The following UTP20 variants were observed in gnomAD, a reference collection of about 807,000 sequenced individuals.
UTP20 encodes the protein UTP20 small subunit processome component, also known as small subunit processome component 20 homolog.
Under a neutral mutation model 329.5 loss-of-function variants are expected in UTP20, and 164 were observed. The observed-to-expected ratio is 0.50, with a 90% CI of 0.44 to 0.57. The LOEUF is 0.57. Among genes scored for constraint, UTP20 ranks in the 20% least tolerant of loss-of-function variants. The pLI, the probability that UTP20 is intolerant of heterozygous loss-of-function variation, is 0.00. For synonymous variants in UTP20, 1,151 were observed against 1,159.3 expected (o/e 0.99, Z 0.14); for missense variants, 3,055 against 3,284.2 (o/e 0.93, Z 1.71).
At chr12:101,326,838 C>A in intron 25 of UTP20, 1 of 283,168 alleles carries the variant, frequency 3.5e-6, no homozygotes, top group Non-Finnish European at 6.5e-6. Context: ...ATCCTCTGGC[C>A]TCAGCCCCTC....
rs143865437 is a variant in UTP20 at position 101,320,852 on chromosome 12, T to C, written c.2830T>C (p.Leu944=). The change falls in exon 24 of 62, where the codon TTG becomes CTG. Residue 944 remains leucine (L), a splice_region_variant and synonymous_variant. Coordinates refer to ENST00000261637, the MANE Select transcript of UTP20 (RefSeq NM_014503.3). ...TAATTCTGTAAAATACTGTTCTTAGTTGTTGCTACACCAAGATCAAATGGT... is the reference window on the plus strand; with the variant it reads ...TAATTCTGTAAAATACTGTTCTTAGCTGTTGCTACACCAAGATCAAATGGT... The part of the protein sequence containing the change: ...ESKLYELYLQ[L]LLHQDQMVQK... The C allele has an allele frequency of 1.0e-4, 168 of 1,609,568 alleles. No homozygotes were observed. In the African/African-American group the frequency reaches 1.8e-3, roughly 17 times the overall value.
At chr12:101,373,281 A>G in intron 52 of UTP20, 120 bp from the exon 53 acceptor site, 1 of 943,204 alleles carries the variant, frequency 1.1e-6, no homozygotes, top group South Asian at 1.6e-5. Flanking sequence ...TTAGGAAAAC[A>G]GAGCATTTTC....
Position 101,309,814 on chromosome 12 carries a change from T to C in UTP20, c.2206T>C (p.Trp736Arg). 1 of 1,613,664 alleles carries C rather than the reference T, an allele frequency of 6.2e-7. No individual in the cohort carries two copies. Among genetic ancestry groups the C allele is most frequent in the Non-Finnish European group, 8.5e-7 (1 of 1,179,936 alleles). ...GCTATATATTAATTTCAGTGCACTC[T>C]GGGATCCTGTTATTGAACTCATAAG... Reference protein sequence around the residue: ...GMLYINFSALWDPVIELISSH... With the variant: ...GMLYINFSALRDPVIELISSH... Residue 736 changes from tryptophan (W) to arginine (R), a missense_variant, in exon 19 of 62, where the codon TGG becomes CGG. By Grantham distance (101) the Trp-to-Arg change is moderately radical. Transcript: ENST00000261637.
chr12:101,343,846 G>A (rs924289188), intron 35 of UTP20, among the ~76,000 whole-genome samples: 13 of 152,200 alleles, frequency 8.5e-5, no homozygotes, highest in South Asian at 6.2e-4. Context: ...GAATTTTATG[G>A]TGTGTCAATT....
intron 43 of UTP20, 29 bp downstream of exon 43, chr12:101,357,111 A>G (rs1192572388): frequency 6.3e-7 from 1 of 1,586,496 alleles, no homozygotes; most frequent in Non-Finnish European, 8.6e-7. Flanking sequence ...TTTATATTCA[A>G]GTTGTATTGG....
chr12:101,376,236 A>G (rs1418074749), intron 56 of UTP20, among the ~76,000 whole-genome samples: 2 of 152,210 alleles, frequency 1.3e-5, no homozygotes, highest in African/African-American at 4.8e-5. Context: ...ATTACTATCT[A>G]TAAGACACCT....
At chr12:101,383,751 T>C in intron 60 of UTP20, 82 bp downstream of exon 60, 1 of 1,196,930 alleles carries the variant, frequency 8.4e-7, no homozygotes, top group East Asian at 3.0e-5. Flanking sequence ...TCTTCCTTTC[T>C]GTCCTCCCTC....
intron 41 of UTP20, 72 bp downstream of exon 41, chr12:101,355,190 C>A: frequency 6.7e-7 from 1 of 1,495,256 alleles, no homozygotes; most frequent in Non-Finnish European, 9.0e-7. Flanking sequence ...CACACTGAGG[C>A]TCTTGGTGAT....
intron 43 of UTP20, among the ~76,000 whole-genome samples, chr12:101,358,206 G>T (rs570202210): frequency 1.3e-5 from 2 of 152,162 alleles, no homozygotes; most frequent in Non-Finnish European, 2.9e-5. Context: ...TTTAGTAGTT[G>T]CTCTATCGAT....
chr12:101,377,572 C>T (rs1050112788), intron 56 of UTP20, among the ~76,000 whole-genome samples: 5 of 152,038 alleles, frequency 3.3e-5, no homozygotes, highest in South Asian at 4.2e-4. Context: ...CCTCATGATC[C>T]GCCTGCCTCG....
intron 41 of UTP20, 110 bp downstream of exon 41, chr12:101,355,228 C>G: frequency 7.9e-7 from 1 of 1,270,914 alleles, no homozygotes; most frequent in Non-Finnish European, 1.1e-6. Flanking sequence ...TTTTAGATTT[C>G]CTTTTATCTC....
chr12:101,312,327 ATG>A (rs1196443833), intron 21 of UTP20, 51 bp downstream of exon 21: 15 of 1,595,944 alleles, frequency 9.4e-6, no homozygotes, highest in Non-Finnish European at 1.3e-5. Flanking sequence ...GAAGAAGAGA[ATG>A]TGAGAAGTAT....
In UTP20 at chr12:101,292,073, C is replaced by T. The variant is rs750820584; in HGVS notation, c.1142C>T (p.Pro381Leu). 1.3e-5 allele frequency: 21 copies of T among 1,613,500 alleles called. No homozygotes were observed. The Middle Eastern group carries it at 6.6e-4, about 51-fold the overall frequency. Residue 381 changes from proline to leucine, a missense_variant, in exon 10 of 62, where the codon CCG becomes CTG. Physicochemically the swap from Pro to Leu is moderately conservative, Grantham distance 98 (BLOSUM62 -3). Coordinates refer to ENST00000261637, the MANE Select transcript of UTP20 (RefSeq NM_014503.3). ...ATCCTGGGTGAAAATGTTTCCTTGC[C>T]GGAGACCCTCATCAAAGAAACCATA... ...ALILGENVSL[P>L]ETLIKETIEK...
In UTP20 at chr12:101,290,751, C is replaced by G. The variant is rs771952656; in HGVS notation, c.754C>G (p.Arg252Gly). The G allele has an allele frequency of 8.1e-6, 13 of 1,604,056 alleles. No homozygotes were observed. The highest frequency in any genetic ancestry group is 1.3e-5 in the African/African-American group (1 of 74,346). ...CTGQAVKLIL[R>G]KLGPVTETET... ...CCCACAGGCAGTGAAGCTAATTTTG[C>G]GAAAGCTAGGACCAGTCACTGAAAC... The change falls in exon 8 of 62, where the codon CGA becomes GGA. Residue 252 changes from arginine (R) to glycine (G), a missense_variant. This residue lies in a region of UTP20 where 2,445 missense variants were observed against 2,575.5 expected (regional missense o/e 0.95). Coordinates refer to ENST00000261637, the MANE Select transcript of UTP20 (RefSeq NM_014503.3).
chr12:101,331,473 T>G (rs1868757722), intron 27 of UTP20, among the ~76,000 whole-genome samples: 1 of 152,252 alleles, frequency 6.6e-6, no homozygotes, highest in African/African-American at 2.4e-5. Flanking sequence ...CACCTTGTGC[T>G]TGCTTACCTG....
intron 38 of UTP20, among the ~76,000 whole-genome samples, chr12:101,351,419 C>G (rs1869517596): frequency 6.6e-6 from 1 of 152,126 alleles, no homozygotes; most frequent in Non-Finnish European, 1.5e-5. Context: ...GCCACCGCGC[C>G]TGGTCCGTTT....
At position 101,361,978 on chromosome 12, in the gene UTP20, T is replaced by C; in HGVS notation, c.5708T>C (p.Phe1903Ser). 1.2e-6 allele frequency: 2 copies of C among 1,613,704 alleles called. No individual in the cohort carries two copies. Among genetic ancestry groups the C allele is most frequent in the Non-Finnish European group, 1.7e-6 (2 of 1,179,730 alleles). Reference protein sequence around the residue: ...VRGYQVHVLTFTVHMLLQGLT... With the variant: ...VRGYQVHVLTSTVHMLLQGLT... ...TCATGTTAGGTCCATGTGCTGACTTTCACCGTTCACATGCTGCTGCAAGGC... is the reference window on the plus strand; with the variant it reads ...TCATGTTAGGTCCATGTGCTGACTTCCACCGTTCACATGCTGCTGCAAGGC... Residue 1903 changes from phenylalanine to serine, a missense_variant, in exon 44 of 62, where the codon TTC becomes TCC. Around this residue, in one of 3 missense-constraint regions of UTP20, gnomAD observed 2,445 missense variants for 2,575.5 expected, o/e 0.95. Transcript: ENST00000261637.
At position 101,385,706 on chromosome 12, in the gene UTP20, G is replaced by A. The variant is rs771169465; in HGVS notation, c.8180G>A (p.Arg2727Gln). Residue 2727 changes from arginine (R) to glutamine (Q), a missense_variant, in exon 61 of 62, where the codon CGG (arginine) becomes CAG (glutamine). Transcript: ENST00000261637. ...CAGGCTAATGAGAAAAGGGCACTCCGGAAAAAGAGGAAGGCCCTGGAGGTA... is the reference window on the plus strand; with the variant it reads ...CAGGCTAATGAGAAAAGGGCACTCCAGAAAAAGAGGAAGGCCCTGGAGGTA... ...QKQANEKRAL[R>Q]KKRKALEFVT... 17 of 1,609,248 alleles carry A rather than the reference G, an allele frequency of 1.1e-5. No individual in the cohort carries two copies. The highest frequency in any genetic ancestry group is 1.6e-4 in the Middle Eastern group (1 of 6,074).
chr12:101,365,637 A>T lies in UTP20; in HGVS notation c.6125+12A>T. ...ACAGAGAAAGAAAAGTAAGTTGGAA[A>T]AAAAACAAACTGTCATTTAGGTCTC... On this transcript the variant is annotated intron_variant, in intron 46 of 61. Transcript: ENST00000261637. 6.4e-7 allele frequency: 1 copy of T among 1,551,456 alleles called. No homozygotes were observed. Among genetic ancestry groups the T allele is most frequent in the Non-Finnish European group, 8.7e-7 (1 of 1,154,174 alleles).
Sources: gnomAD v4.1 joint callset for allele counts (sites outside exome capture counted in the v4.1 genomes callset) on GRCh38, gnomAD v4.1.1 for gene constraint, gnomAD v4.1.1 regional missense constraint, MANE v1.5 for transcripts, NCBI Gene and HGNC (gene_info 2026-07-23, HGNC 2026-07-21) for gene names.